Variants in GNAI1 observed in about 807,000 individuals in gnomAD.
GNAI1 encodes G protein subunit alpha i1.
GNAI1 carries 11 observed loss-of-function variants against 38.9 expected under a neutral mutation model. The ratio of observed to expected loss-of-function variants is 0.28; its 90% CI spans 0.18 to 0.47. The LOEUF is 0.47. Among genes scored for constraint, GNAI1 ranks in the 20% least tolerant of loss-of-function variants. GNAI1 has a pLI of 0.99. For missense variants in GNAI1, 317 were observed against 436.9 expected, an observed-to-expected ratio of 0.73 and a Z score of 2.45; for synonymous variants, 166 against 145.1, an observed-to-expected ratio of 1.14 and a Z score of -1.04.
intron 5 of GNAI1, among the ~76,000 whole-genome samples, chr7:80,208,705 C>T (rs539545922): frequency 3.0e-4 from 45 of 152,136 alleles, no homozygotes; most frequent in Admixed American, 1.4e-3. Context: ...CTTAATAGTT[C>T]ATTCCTCAGT....
chr7:80,160,576 C>T (rs888193326), intron 1 of GNAI1, among the ~76,000 whole-genome samples: 3 of 152,012 alleles, frequency 2.0e-5, no homozygotes, highest in African/African-American at 7.2e-5. Flanking sequence ...ATTTTCATTA[C>T]GTTTTAAAAA....
At chr7:80,155,911 G>T (rs1191773789) in intron 1 of GNAI1, among the ~76,000 whole-genome samples, 1 of 151,756 alleles carries the variant, frequency 6.6e-6, no homozygotes, top group Admixed American at 6.6e-5. Context: ...AAAATATTAG[G>T]CGTGGTGGCG....
rs1196768594 is a variant in GNAI1 at position 80,222,908 on chromosome 7, A to C, written c.*5415A>C. 6.6e-6 allele frequency among the ~76,000 whole-genome samples: 1 copy of C among 152,128 alleles called. No individual in the cohort carries two copies. Among genetic ancestry groups the C allele is most frequent in the Non-Finnish European group, 1.5e-5 (1 of 68,018 alleles). ...AAAATGCATTTAATACACCTAACCT[A>C]CCAAATGTAGCTTAGCCTGGCCTAA... is the stretch of plus-strand genomic sequence containing the variant. On this transcript the variant is annotated 3_prime_UTR_variant, in exon 8 of 8. Transcript: ENST00000649796.
chr7:80,149,398 G>A (rs1787686278), intron 1 of GNAI1, among the ~76,000 whole-genome samples: 2 of 151,994 alleles, frequency 1.3e-5, no homozygotes, highest in Admixed American at 6.6e-5. Context: ...CCCTTTTAAA[G>A]CTTATGATGT....
chr7:80,180,764 G>T (rs144937127), intron 1 of GNAI1, among the ~76,000 whole-genome samples: 38 of 152,244 alleles, frequency 2.5e-4, no homozygotes, highest in African/African-American at 7.5e-4. Context: ...GGTCAGTCCA[G>T]TTGAGCTTGT....
chr7:80,140,518 T>C (rs1787507987), intron 1 of GNAI1, among the ~76,000 whole-genome samples: 1 of 152,184 alleles, frequency 6.6e-6, no homozygotes, highest in African/African-American at 2.4e-5. Context: ...TGAGTGTATT[T>C]GAGTGTGTTT....
At chr7:80,144,209 G>C (rs547119363) in intron 1 of GNAI1, among the ~76,000 whole-genome samples, 1 of 151,242 alleles carries the variant, frequency 6.6e-6, no homozygotes, top group Non-Finnish European at 1.5e-5. Context: ...TTTAGAATTA[G>C]TGCAGTGGCT....
chr7:80,164,346 C>CT (rs977027473), intron 1 of GNAI1, among the ~76,000 whole-genome samples: 1 of 151,052 alleles, frequency 6.6e-6, no homozygotes, highest in South Asian at 2.1e-4. Flanking sequence ...TGGCTGCTTT[C>CT]TTTTTTTCTT....
chr7:80,187,579 C>T (rs1162385361), intron 1 of GNAI1: 1 of 152,130 alleles, frequency 6.6e-6, no homozygotes, highest in African/African-American at 2.4e-5. Context: ...GTGGGTGTTC[C>T]TGGAACTGTA....
chr7:80,196,523 G>A (rs759578150), intron 3 of GNAI1, among the ~76,000 whole-genome samples: 3 of 151,786 alleles, frequency 2.0e-5, no homozygotes, highest in Admixed American at 6.6e-5. Context: ...AGATAAAATC[G>A]TTGTCATCAT....
At chr7:80,205,037 C>G (rs1024324526) in intron 5 of GNAI1, among the ~76,000 whole-genome samples, 1 of 152,078 alleles carries the variant, frequency 6.6e-6, no homozygotes, top group Non-Finnish European at 1.5e-5. Context: ...TTATAATTCA[C>G]ATTCATTTAA....
rs1675662450 is a variant in GNAI1 at position 80,219,260 on chromosome 7, A to G, written c.*1767A>G. The G allele has an allele frequency of 6.6e-6, 1 of 152,620 alleles. No individual in the cohort carries two copies. Among genetic ancestry groups the G allele is most frequent in the South Asian group, 2.1e-4 (1 of 4,830 alleles). The allele number at this position is 152,620 out of a possible 1,614,324, so 9.5% of individuals were successfully genotyped here. A position where few individuals can be genotyped will look rare whatever the true frequency, so the allele number is the denominator to read the frequency against. ...AAGCTGTGTATGAAATTCAACTATA[A>G]TATGAATAAATTTGAATCATGAGAA... On this transcript the variant is annotated 3_prime_UTR_variant, in exon 8 of 8. Coordinates refer to ENST00000649796, the MANE Select transcript of GNAI1 (RefSeq NM_002069.6).
At chr7:80,170,663 C>T (rs577706487) in intron 1 of GNAI1, among the ~76,000 whole-genome samples, 5 of 152,136 alleles carry the variant, frequency 3.3e-5, no homozygotes, top group African/African-American at 4.8e-5. Context: ...AAGAGAGAGG[C>T]GGGAGGTGAT....
rs140149019 is a variant in GNAI1, at chr7:80,221,246, AAAAT to A, written c.*3760_*3763del. 3.2e-3 allele frequency among the ~76,000 whole-genome samples: 482 copies of A among 152,310 alleles called. 3 individuals carry two copies. The highest frequency in any genetic ancestry group is 0.011 in the African/African-American group (453 of 41,568). ...GCTCTGCCTCCATTTATATCATCTG[AAAAT>A]AAATAAGGATTAAATAATCCATTAA... On this transcript the variant is annotated 3_prime_UTR_variant, in exon 8 of 8. Transcript: ENST00000649796.
chr7:80,195,085 T>C (rs1315086400), intron 3 of GNAI1, among the ~76,000 whole-genome samples: 2 of 151,998 alleles, frequency 1.3e-5, no homozygotes, highest in African/African-American at 4.8e-5. Flanking sequence ...ATTTCACTTA[T>C]CTCACATTTC....
At chr7:80,188,856 GT>G in intron 1 of GNAI1, 94 bp from the exon 2 acceptor site, 11 of 314,514 alleles carry the variant, frequency 3.5e-5, no homozygotes, top group Non-Finnish European at 5.7e-5. Flanking sequence ...GAGAGACTGG[GT>G]GTGTGTGTGT....
chr7:80,159,634 A>G (rs1562827122), intron 1 of GNAI1, among the ~76,000 whole-genome samples: 1 of 152,232 alleles, frequency 6.6e-6, no homozygotes, highest in Non-Finnish European at 1.5e-5. Context: ...AACATTCAGC[A>G]CAACACTAAC....
In GNAI1 at chr7:80,220,854, G is replaced by A. The variant is rs1789060391; in HGVS notation, c.*3361G>A. On this transcript the variant is annotated 3_prime_UTR_variant, in exon 8 of 8. Coordinates refer to ENST00000649796, the MANE Select transcript of GNAI1 (RefSeq NM_002069.6). ...TACCTTATTTCCAGAAAATGTGTAA[G>A]TAGTGTTTCGCCTATCCCCACTCTG... is the stretch of plus-strand genomic sequence containing the variant. Among the ~76,000 whole-genome samples the A allele has an allele frequency of 6.6e-6, 1 of 152,304 alleles. No individual in the cohort carries two copies. The highest frequency in any genetic ancestry group is 2.1e-4 in the South Asian group (1 of 4,832).
At chr7:80,157,107 C>G (rs1379519263) in intron 1 of GNAI1, among the ~76,000 whole-genome samples, 3 of 152,168 alleles carry the variant, frequency 2.0e-5, no homozygotes, top group African/African-American at 4.8e-5. Flanking sequence ...CTGTACTCCT[C>G]GTATTTATTC....
Sources: gnomAD v4.1 joint callset for allele counts (sites outside exome capture counted in the v4.1 genomes callset) on GRCh38, gnomAD v4.1.1 for gene constraint, MANE v1.5 for transcripts, NCBI Gene and HGNC (gene_info 2026-07-23, HGNC 2026-07-21) for gene names.